The following NELL1 variants were observed in gnomAD, a reference collection of about 807,000 sequenced individuals.
NELL1 encodes neural EGFL like 1.
A neutral mutation model predicts 107.4 loss-of-function variants in NELL1; 76 were observed. The observed-to-expected ratio is 0.71, with a 90% CI of 0.59 to 0.86. NELL1 has a LOEUF of 0.86. Among genes scored for constraint, NELL1 ranks in the 40% least tolerant of loss-of-function variants. NELL1 has a pLI of 0.00. For synonymous variants in NELL1, 353 were observed against 341.2 expected (o/e 1.03, Z -0.38); for missense variants, 1,024 against 1,005.5 (o/e 1.02, Z -0.25).
intron 14 of NELL1, chr11:21,284,074 T>G: frequency 2.7e-6 from 1 of 373,234 alleles, no homozygotes; most frequent in Non-Finnish European, 5.3e-6. Flanking sequence ...CTGCCTCACA[T>G]GAAGAGGAAA....
At chr11:21,360,786 T>C (rs557675867) in intron 14 of NELL1, among the ~76,000 whole-genome samples, 1 of 152,190 alleles carries the variant, frequency 6.6e-6, no homozygotes, top group Non-Finnish European at 1.5e-5. Context: ...TAATAGCTAC[T>C]CCTGCTCACT....
At chr11:20,965,841 G>C (rs1293865276) in intron 12 of NELL1, among the ~76,000 whole-genome samples, 1 of 152,124 alleles carries the variant, frequency 6.6e-6, no homozygotes, top group African/African-American at 2.4e-5. Flanking sequence ...TAAGTGGGTA[G>C]ATACTTACTA....
intron 3 of NELL1, among the ~76,000 whole-genome samples, chr11:20,820,642 G>A (rs1024100301): frequency 6.6e-6 from 1 of 152,074 alleles, no homozygotes; most frequent in African/African-American, 2.4e-5. Flanking sequence ...CAGCCACAGT[G>A]GCCTCCCTGT....
chr11:20,937,985 C>A (rs775874650), intron 10 of NELL1, 126 bp downstream of exon 10: 1 of 849,078 alleles, frequency 1.2e-6, no homozygotes, highest in Non-Finnish European at 1.9e-6. Context: ...GAACTCTCTG[C>A]GGTGGGTTGG....
At chr11:20,733,228 A>G (rs1855687848) in intron 2 of NELL1, among the ~76,000 whole-genome samples, 1 of 152,186 alleles carries the variant, frequency 6.6e-6, no homozygotes, top group East Asian at 1.9e-4. Context: ...TTGCTCTGAC[A>G]GAAGAGCACT....
chr11:20,957,340 T>G (rs1160961796), intron 11 of NELL1, among the ~76,000 whole-genome samples: 1 of 152,218 alleles, frequency 6.6e-6, no homozygotes, highest in Non-Finnish European at 1.5e-5. Flanking sequence ...TGGCTCAACC[T>G]TCAAGCACTA....
intron 15 of NELL1, among the ~76,000 whole-genome samples, chr11:21,407,667 A>G (rs1342522011): frequency 6.8e-6 from 1 of 146,890 alleles, no homozygotes; most frequent in African/African-American, 2.5e-5. Flanking sequence ...AGCCGTCAAT[A>G]CCTTATCTAG....
At position 21,534,466 on chromosome 11, in the gene NELL1, G is replaced by T; in HGVS notation, c.1738G>T (p.Gly580Cys). The T allele has an allele frequency of 6.2e-7, 1 of 1,613,862 alleles. No homozygotes were observed. Among genetic ancestry groups the T allele is most frequent in the South Asian group, 1.1e-5 (1 of 91,084 alleles). Reference sequence around the variant, plus strand: ...GTGGTACCACTGTGAGTGCAGAAGCGGTTTCCATGACGATGGGACCTATTC... The same window carrying T: ...GTGGTACCACTGTGAGTGCAGAAGCTGTTTCCATGACGATGGGACCTATTC... Reference protein sequence around the residue: ...PGWYHCECRSGFHDDGTYSLS... With the variant: ...PGWYHCECRSCFHDDGTYSLS... Residue 580 changes from glycine (G) to cysteine (C), a missense_variant, in exon 16 of 20, where the codon GGT becomes TGT. Transcript: ENST00000357134.
At position 21,541,730 on chromosome 11, in the gene NELL1, C is replaced by T. The variant is rs575447901; in HGVS notation, c.1786+7216C>T. On this transcript the variant is annotated intron_variant, in intron 16 of 19. Transcript: ENST00000357134. ...AGCAGCATTTAGAAAGATATTTAACCTTTCAAAGCCTTAGTTTTCTTAGTG... is the reference window on the plus strand; with the variant it reads ...AGCAGCATTTAGAAAGATATTTAACTTTTCAAAGCCTTAGTTTTCTTAGTG... 2.1e-4 allele frequency among the ~76,000 whole-genome samples: 32 copies of T among 152,178 alleles called. No individual in the cohort carries two copies. The South Asian group carries it at 6.4e-3, about 31-fold the overall frequency.
chr11:21,036,214 A>T (rs1853089128), intron 12 of NELL1, among the ~76,000 whole-genome samples: 1 of 152,124 alleles, frequency 6.6e-6, no homozygotes, highest in South Asian at 2.1e-4. Flanking sequence ...ACTACAAAAC[A>T]CTGCTCAAGT....
chr11:21,308,272 C>G (rs1222811090), intron 14 of NELL1, among the ~76,000 whole-genome samples: 1 of 151,916 alleles, frequency 6.6e-6, no homozygotes, highest in Non-Finnish European at 1.5e-5. Flanking sequence ...AATGTAGAAA[C>G]TGTTAAAGAA....
chr11:21,376,666 T>C (rs746500987), intron 15 of NELL1, among the ~76,000 whole-genome samples: 9 of 152,140 alleles, frequency 5.9e-5, no homozygotes, highest in Non-Finnish European at 8.8e-5. Context: ...ATGATATTGA[T>C]TCTTCCAATC....
intron 14 of NELL1, among the ~76,000 whole-genome samples, chr11:21,265,151 G>C (rs1216653720): frequency 1.3e-5 from 2 of 151,964 alleles, no homozygotes; most frequent in Admixed American, 6.6e-5. Flanking sequence ...AACTTTTGCT[G>C]CTTAAACATC....
At chr11:21,473,700 A>G (rs2133889535) in intron 15 of NELL1, among the ~76,000 whole-genome samples, 1 of 152,162 alleles carries the variant, frequency 6.6e-6, no homozygotes, top group Non-Finnish European at 1.5e-5. Flanking sequence ...GGGCAAGATA[A>G]TTTGTATGCG....
chr11:21,224,275 G>A (rs1251220204), intron 13 of NELL1, among the ~76,000 whole-genome samples: 1 of 151,928 alleles, frequency 6.6e-6, no homozygotes, highest in Non-Finnish European at 1.5e-5. Context: ...CAAGGTCTCT[G>A]TCTATCGCCC....
chr11:20,937,734 T>G lies in NELL1; in HGVS notation c.998-52T>G. The stretch of plus-strand genomic sequence containing the variant: ...TTGGAGTTAGAAGGTACCTCTGAGG[T>G]CATTTTGTGGCACAGCAGGACTGTC... On this transcript the variant is annotated intron_variant, in intron 9 of 19. Coordinates refer to ENST00000357134, the MANE Select transcript of NELL1 (RefSeq NM_006157.5). The G allele has an allele frequency of 3.0e-6, 4 of 1,348,052 alleles. No homozygotes were observed. The South Asian group carries it at 3.5e-5, about 12-fold the overall frequency. The allele number at this position is 1,348,052 out of a possible 1,614,324, so 83.5% of individuals were successfully genotyped here.
chr11:21,159,825 C>T (rs2133798098), intron 13 of NELL1, among the ~76,000 whole-genome samples: 1 of 152,296 alleles, frequency 6.6e-6, no homozygotes, highest in Admixed American at 6.5e-5. Flanking sequence ...TCTGTTCTCC[C>T]CTTGCTTGTA....
At chr11:21,080,087 C>T (rs1854230217) in intron 12 of NELL1, among the ~76,000 whole-genome samples, 1 of 152,046 alleles carries the variant, frequency 6.6e-6, no homozygotes, top group Non-Finnish European at 1.5e-5. Flanking sequence ...TTGAAATGTC[C>T]TAGACACTGT....
intron 12 of NELL1, among the ~76,000 whole-genome samples, chr11:20,987,288 C>G (rs1851873184): frequency 6.6e-6 from 1 of 152,152 alleles, no homozygotes; most frequent in Admixed American, 6.5e-5. Flanking sequence ...ACATCATGGG[C>G]TCTGGAGAGA....
Sources: allele counts gnomAD v4.1 joint callset (sites outside exome capture counted in the v4.1 genomes callset), GRCh38; gene constraint gnomAD v4.1.1; transcripts MANE v1.5; gene names NCBI Gene and HGNC (gene_info 2026-07-23, HGNC 2026-07-21).